Variants in MTFR1 observed in about 807,000 individuals in gnomAD.
MTFR1 encodes chondrocyte protein with a poly-proline region.
MTFR1 carries 28 observed loss-of-function variants against 38.8 expected under a neutral mutation model. The ratio of observed to expected loss-of-function variants is 0.72; its 90% CI spans 0.53 to 0.99. The LOEUF (loss-of-function observed/expected upper bound fraction) is 0.99. Ranked by LOEUF, MTFR1 falls within the 50% of genes least tolerant of loss-of-function variation. The probability of loss-of-function intolerance (pLI) is 0.00; values close to 1 mark genes in which losing one functional copy is unlikely to be tolerated. For missense variants in MTFR1, 358 were observed against 395.5 expected, an observed-to-expected ratio of 0.91 and a Z score of 0.81; for synonymous variants, 145 against 137.0, an observed-to-expected ratio of 1.06 and a Z score of -0.41.
At chr8:65,746,406 T>TA (rs1463288946) in intron 3 of MTFR1, among the ~76,000 whole-genome samples, 3 of 152,106 alleles carry the variant, frequency 2.0e-5, no homozygotes, top group Non-Finnish European at 4.4e-5. Flanking sequence ...ATTCAGTTTT[T>TA]AAAAAAACAC....
chr8:65,713,469 CACACACACACACACAA>C (rs1248666742), downstream of MTFR1, among the ~76,000 whole-genome samples: 3 of 140,782 alleles, frequency 2.1e-5, no homozygotes, highest in Non-Finnish European at 3.2e-5. Context: ...CACACACACA[CACACACACACACACAA>C]ACAAAACAAA....
At chr8:65,721,998 C>G (rs1466376606) in intron 3 of MTFR1, 1 of 152,088 alleles carries the variant, frequency 6.6e-6, no homozygotes, top group Non-Finnish European at 1.5e-5. Flanking sequence ...ACTATTTTGG[C>G]CAGGCTGGTC....
chr8:65,740,252 C>T (rs16932321), intron 3 of MTFR1, among the ~76,000 whole-genome samples: 15,333 of 151,996 alleles, frequency 0.1, 954 homozygotes, highest in East Asian at 0.26. Flanking sequence ...ATCATATTGT[C>T]TTTCCAGTGA....
chr8:65,729,999 G>A (rs567710588), intron 3 of MTFR1, among the ~76,000 whole-genome samples: 86 of 151,768 alleles, frequency 5.7e-4, no homozygotes, highest in Admixed American at 9.8e-4. Context: ...GCCATGGACC[G>A]GTACTGGTCC....
rs1477996552 is a variant in MTFR1 at position 65,704,879 on chromosome 8, CT to C, written c.468del (p.Gln157ArgfsTer6). The C allele has an allele frequency of 6.2e-7, 1 of 1,610,604 alleles. No individual in the cohort carries two copies. Among genetic ancestry groups the C allele is most frequent in the Admixed American group, 1.7e-5 (1 of 59,522 alleles). On this transcript the variant is annotated frameshift_variant, in exon 5 of 8. Transcript: ENST00000262146. LOFTEE classifies it high-confidence loss of function. ...GAAAATGAACTTGCTGCTCTCAGAGCTCAGATTGCCAAAATTGTGACCCAGC... is the reference window on the plus strand; with the variant it reads ...GAAAATGAACTTGCTGCTCTCAGAGCCAGATTGCCAAAATTGTGACCCAGC... The part of the protein sequence containing the change: ...ALENELAALR[A>X]QIAKIVTQQE...
At chr8:65,720,681 G>A (rs1014264599) in intron 3 of MTFR1, 18 of 152,330 alleles carry the variant, frequency 1.2e-4, no homozygotes, top group African/African-American at 3.8e-4. Flanking sequence ...ACTATGCCAC[G>A]GTGGCTGGGT....
chr8:65,772,186 T>C (rs1809117423), downstream of MTFR1, among the ~76,000 whole-genome samples: 1 of 152,018 alleles, frequency 6.6e-6, no homozygotes, highest in African/African-American at 2.4e-5. Context: ...GTGCAGAAAA[T>C]AAGTGGGTTG....
intron 3 of MTFR1, among the ~76,000 whole-genome samples, chr8:65,751,930 A>T (rs1807987886): frequency 6.6e-6 from 1 of 152,244 alleles, no homozygotes; most frequent in Admixed American, 6.5e-5. Flanking sequence ...GTCAGTGCAT[A>T]GACACCTTCC....
At chr8:65,647,084 G>A (rs543007149) in intron 1 of MTFR1, among the ~76,000 whole-genome samples, 3 of 152,320 alleles carry the variant, frequency 2.0e-5, no homozygotes, top group South Asian at 2.1e-4. Flanking sequence ...GCAAAGAAGT[G>A]ACATGATCAA....
Position 65,704,776 on chromosome 8 carries a change from G to A in MTFR1, c.364G>A (p.Asp122Asn). 2 of 1,614,076 alleles carry A rather than the reference G, an allele frequency of 1.2e-6. No individual in the cohort carries two copies. Among genetic ancestry groups the A allele is most frequent in the South Asian group, 1.1e-5 (1 of 91,062 alleles). ...CCCAAGCAGACAGATTTCCTTACCA[G>A]ACTTGTCTCAAGAAGAGCCTCAGCT... ...KAPSRQISLP[D>N]LSQEEPQLKT... Residue 122 changes from aspartate (D) to asparagine (N), a missense_variant, in exon 5 of 8, where the codon GAC (aspartate) becomes AAC (asparagine). Transcript: ENST00000262146.
rs1055044118 is a variant in MTFR1, at chr8:65,710,110, T to C, written c.*1066T>C. ...TTTTTAAATGCTTTATAAATCTTCA[T>C]GGTTTTTCTATTTCTGATACACTCA... On this transcript the variant is annotated 3_prime_UTR_variant, in exon 8 of 8. Transcript: ENST00000262146. 8.5e-5 allele frequency: 13 copies of C among 152,314 alleles called. No individual in the cohort carries two copies. The East Asian group carries it at 2.3e-3, about 27-fold the overall frequency. The allele number at this position is 152,314 out of a possible 1,614,324, so 9.4% of individuals were successfully genotyped here. A position where few individuals can be genotyped will look rare whatever the true frequency, so the allele number is the denominator to read the frequency against.
chr8:65,718,440 T>TCCA (rs1806233600), intron 2 of MTFR1: 1 of 152,200 alleles, frequency 6.6e-6, no homozygotes. Flanking sequence ...TTTTAAACAT[T>TCCA]CCACCTTTTT....
At chr8:65,725,737 G>A (rs2129066031) in intron 3 of MTFR1, 1 of 152,210 alleles carries the variant, frequency 6.6e-6, no homozygotes, top group East Asian at 1.9e-4. Flanking sequence ...ATTAAATAAT[G>A]CTATTAGGTA....
chr8:65,724,486 TG>T, intron 3 of MTFR1: 2 of 608,322 alleles, frequency 3.3e-6, no homozygotes, highest in South Asian at 2.5e-5. Flanking sequence ...TATTTTTAGA[TG>T]TAAGAATTTA....
chr8:65,686,178 C>T, intron 3 of MTFR1, among the ~76,000 whole-genome samples: 1 of 151,988 alleles, frequency 6.6e-6, no homozygotes, highest in South Asian at 2.1e-4. Flanking sequence ...TGATGTCATA[C>T]TGTATATGAT....
At chr8:65,664,306 A>G (rs1804305411) in intron 1 of MTFR1, among the ~76,000 whole-genome samples, 1 of 152,346 alleles carries the variant, frequency 6.6e-6, no homozygotes, top group South Asian at 2.1e-4. Flanking sequence ...GTGTTACAAT[A>G]ATATAATGAA....
At chr8:65,691,958 T>G (rs1397211007) in intron 3 of MTFR1, among the ~76,000 whole-genome samples, 3 of 152,268 alleles carry the variant, frequency 2.0e-5, no homozygotes, top group African/African-American at 7.2e-5. Flanking sequence ...AATGTTAGTA[T>G]TATGTGTCAC....
At chr8:65,724,970 A>G in intron 3 of MTFR1, 1 of 1,246,192 alleles carries the variant, frequency 8.0e-7, no homozygotes, top group Non-Finnish European at 1.1e-6. Context: ...TCAATTAACT[A>G]TTTATTGATT....
Position 65,707,833 on chromosome 8 carries a change from C to T in MTFR1, c.765-10C>T, listed in dbSNP as rs1456759087. On this transcript the variant is annotated splice_polypyrimidine_tract_variant and intron_variant, in intron 6 of 7. Transcript: ENST00000262146. ...GATCTGTCCCCTTGGTTTGTGTTCA[C>T]TTCTCTAAGGTCAGAGCAAGATGTG... 5.6e-6 allele frequency: 9 copies of T among 1,612,320 alleles called. No homozygotes were observed. Among genetic ancestry groups the T allele is most frequent in the Non-Finnish European group, 5.9e-6 (7 of 1,178,964 alleles).
Sources: gnomAD v4.1 joint callset for allele counts (sites outside exome capture counted in the v4.1 genomes callset) on GRCh38, gnomAD v4.1.1 for gene constraint, MANE v1.5 for transcripts, NCBI Gene and HGNC (gene_info 2026-07-23, HGNC 2026-07-21) for gene names.